Variants in CORIN observed in about 807,000 individuals in gnomAD.
CORIN encodes the protein corin, serine peptidase.
Under a neutral mutation model 125.3 loss-of-function variants are expected in CORIN, and 117 were observed. The ratio of observed to expected loss-of-function variants is 0.93; its 90% CI spans 0.80 to 1.09. The LOEUF (loss-of-function observed/expected upper bound fraction) is 1.09. Among genes scored for constraint, CORIN ranks in the 50% least tolerant of loss-of-function variants. CORIN has a pLI of 0.00. For missense variants in CORIN, 1,253 were observed against 1,306.7 expected, an observed-to-expected ratio of 0.96 and a Z score of 0.63; for synonymous variants, 450 against 466.4, an observed-to-expected ratio of 0.96 and a Z score of 0.45.
intron 12 of CORIN, among the ~76,000 whole-genome samples, chr4:47,658,946 G>A (rs993981507): frequency 3.3e-5 from 5 of 152,128 alleles, no homozygotes; most frequent in Admixed American, 1.3e-4. Context: ...GCTGTTAGAC[G>A]CAGCCAGGCT....
chr4:47,644,463 G>A (rs1480052046), intron 14 of CORIN, among the ~76,000 whole-genome samples: 1 of 152,136 alleles, frequency 6.6e-6, no homozygotes, highest in African/African-American at 2.4e-5. Context: ...TTCATTATTT[G>A]TCATTTTGAT....
At chr4:47,769,342 T>G (rs572142967) in intron 3 of CORIN, among the ~76,000 whole-genome samples, 5 of 152,130 alleles carry the variant, frequency 3.3e-5, no homozygotes, top group African/African-American at 1.2e-4. Flanking sequence ...GATCTTACAC[T>G]GAAAATGATG....
chr4:47,684,324 T>C (rs1232174355), intron 6 of CORIN, among the ~76,000 whole-genome samples: 1 of 152,242 alleles, frequency 6.6e-6, no homozygotes, highest in African/African-American at 2.4e-5. Context: ...GAGTGTTTCA[T>C]AATGCAATCC....
At chr4:47,605,054 A>G (rs1439930832) in intron 19 of CORIN, among the ~76,000 whole-genome samples, 3 of 152,074 alleles carry the variant, frequency 2.0e-5, no homozygotes, top group Non-Finnish European at 2.9e-5. Context: ...ATGTTCCCCC[A>G]GCTCTCACAT....
intron 5 of CORIN, among the ~76,000 whole-genome samples, chr4:47,734,393 G>A (rs61762915): frequency 5.3e-5 from 8 of 152,278 alleles, no homozygotes; most frequent in Non-Finnish European, 8.8e-5. Flanking sequence ...CCACAGTGCC[G>A]AATATCTTCA....
At chr4:47,596,311 A>G (rs529336031) in intron 21 of CORIN, among the ~76,000 whole-genome samples, 2 of 152,152 alleles carry the variant, frequency 1.3e-5, no homozygotes, top group Non-Finnish European at 2.9e-5. Context: ...TCCCCCCCAC[A>G]CACAGTACTG....
chr4:47,668,565 C>A (rs920848773), intron 10 of CORIN, among the ~76,000 whole-genome samples: 1 of 152,178 alleles, frequency 6.6e-6, no homozygotes, highest in African/African-American at 2.4e-5. Context: ...AAATTTTACA[C>A]AATTGGTTCA....
At chr4:47,821,688 A>G (rs538447306) in intron 1 of CORIN, among the ~76,000 whole-genome samples, 1 of 152,228 alleles carries the variant, frequency 6.6e-6, no homozygotes, top group African/African-American at 2.4e-5. Flanking sequence ...GCAAGAAAAT[A>G]TTTTTTAAAT....
intron 16 of CORIN, among the ~76,000 whole-genome samples, chr4:47,632,755 A>ATAGATAGATAGATAGG (rs1362666604): frequency 5.3e-4 from 63 of 119,952 alleles, no homozygotes; most frequent in African/African-American, 1.8e-3. Context: ...AGATAGATAG[A>ATAGATAGATAGATAGG]TAGATAGATA....
chr4:47,822,293 A>T (rs1016168881), intron 1 of CORIN, among the ~76,000 whole-genome samples: 14 of 152,234 alleles, frequency 9.2e-5, no homozygotes, highest in Admixed American at 2.0e-4. Context: ...GTTGCTAACC[A>T]GATGCCTCAC....
intron 8 of CORIN, 75 bp from the exon 9 acceptor site, chr4:47,678,129 G>A: frequency 1.0e-6 from 1 of 986,946 alleles, no homozygotes; most frequent in Non-Finnish European, 1.6e-6. Flanking sequence ...ATAAGCAACA[G>A]CCATTTATCA....
intron 1 of CORIN, among the ~76,000 whole-genome samples, chr4:47,819,014 C>G (rs1426027225): frequency 1.3e-5 from 2 of 151,834 alleles, no homozygotes; most frequent in African/African-American, 4.8e-5. Context: ...CAGCCTGACA[C>G]AGTTATTATA....
At position 47,744,506 on chromosome 4, in the gene CORIN, TA is replaced by T; in HGVS notation, c.694del (p.Tyr232ThrfsTer103). 1 of 1,613,690 alleles carries T rather than the reference TA, an allele frequency of 6.2e-7. No homozygotes were observed. ...GCESVLGMVN[Y>X]SWPDFLRCSQ... ...GCATCTGAGGAAATCCGGCCAGGAGTAATTCACCATCCCCAGGACTGATTCA... is the reference window on the plus strand; with the variant it reads ...GCATCTGAGGAAATCCGGCCAGGAGTATTCACCATCCCCAGGACTGATTCA... On this transcript the variant is annotated frameshift_variant, in exon 5 of 22. Coordinates refer to ENST00000273857, the MANE Select transcript of CORIN (RefSeq NM_006587.4). LOFTEE classifies it high-confidence loss of function.
At chr4:47,675,837 T>G (rs1724991775) in intron 9 of CORIN, among the ~76,000 whole-genome samples, 3 of 152,170 alleles carry the variant, frequency 2.0e-5, no homozygotes, top group Non-Finnish European at 4.4e-5. Flanking sequence ...CCACCCAAAG[T>G]GCTGGGATTA....
chr4:47,623,117 T>TATATATATATATATATATACACACAC (rs141525347), intron 19 of CORIN, among the ~76,000 whole-genome samples: 1 of 134,550 alleles, frequency 7.4e-6, no homozygotes. Flanking sequence ...TATATATATA[T>TATATATATATATATATATACACACAC]ACACACACAC....
chr4:47,796,986 G>A (rs1388252724), intron 2 of CORIN, among the ~76,000 whole-genome samples: 2 of 151,830 alleles, frequency 1.3e-5, no homozygotes, highest in East Asian at 3.9e-4. Context: ...GTGATCATTT[G>A]TTTCATGCCT....
intron 12 of CORIN, among the ~76,000 whole-genome samples, chr4:47,655,759 C>T (rs1285469232): frequency 6.6e-6 from 1 of 151,278 alleles, no homozygotes; most frequent in African/African-American, 2.4e-5. Flanking sequence ...AATATACAAC[C>T]TACTAAGATT....
At chr4:47,627,927 G>A (rs1722645868) in intron 16 of CORIN, among the ~76,000 whole-genome samples, 1 of 152,112 alleles carries the variant, frequency 6.6e-6, no homozygotes, top group Non-Finnish European at 1.5e-5. Context: ...GAAAATCATT[G>A]CAAGGAACAC....
At chr4:47,610,144 G>A (rs920963320) in intron 19 of CORIN, among the ~76,000 whole-genome samples, 2 of 151,066 alleles carry the variant, frequency 1.3e-5, no homozygotes, top group African/African-American at 4.8e-5. Context: ...TGGGTCAAAT[G>A]GTATTTTTGC....
Sources: allele counts gnomAD v4.1 joint callset (sites outside exome capture counted in the v4.1 genomes callset), GRCh38; gene constraint gnomAD v4.1.1; transcripts MANE v1.5; gene names NCBI Gene and HGNC (gene_info 2026-07-23, HGNC 2026-07-21).